The following TRPM3 variants were observed in gnomAD, a reference collection of about 807,000 sequenced individuals.
TRPM3 encodes long transient receptor potential channel 3.
In TRPM3, 77 loss-of-function variants were observed where a neutral mutation model predicts 181.2. The ratio of observed to expected loss-of-function variants is 0.42; its 90% CI spans 0.35 to 0.51. The LOEUF (loss-of-function observed/expected upper bound fraction) is 0.51, where lower values mean the gene tolerates loss of function less well. TRPM3 is among the 20% of genes least tolerant of loss of function. TRPM3 has a pLI of 0.01. For synonymous variants in TRPM3, 745 were observed against 796.4 expected (o/e 0.94, Z 1.09); for missense variants, 1,759 against 2,196.7 (o/e 0.80, Z 3.98).
intron 1 of TRPM3, among the ~76,000 whole-genome samples, chr9:71,169,282 C>T (rs1018567497): frequency 2.6e-5 from 4 of 152,070 alleles, no homozygotes; most frequent in African/African-American, 7.2e-5. Flanking sequence ...CAAATGTGAC[C>T]CTCAGGCCTC....
At chr9:70,984,948 TG>T in intron 1 of TRPM3, among the ~76,000 whole-genome samples, 1 of 152,384 alleles carries the variant, frequency 6.6e-6, no homozygotes, top group East Asian at 1.9e-4. Flanking sequence ...CCTGAATCTT[TG>T]TCCTAGGTTC....
intron 6 of TRPM3, among the ~76,000 whole-genome samples, chr9:70,818,142 T>C (rs181322634): frequency 6.6e-6 from 1 of 152,296 alleles, no homozygotes; most frequent in African/African-American, 2.4e-5. Flanking sequence ...CTTCATCATT[T>C]AACAAGAGAA....
chr9:70,848,804 C>T lies in TRPM3; in HGVS notation c.463-2213G>A, dbSNP rs540518482. 7.2e-3 allele frequency among the ~76,000 whole-genome samples: 635 copies of T among 87,636 alleles called. 39 individuals carry two copies. The highest frequency in any genetic ancestry group is 0.022 in the South Asian group (51 of 2,344). 57.5% of individuals were successfully genotyped at this position (87,636 alleles called of 152,430 possible). ...CATCCTGGCTAACACGGTGAAACCC[C>T]GTCTCTACTAAAAATACAAAAAATT... On this transcript the variant is annotated intron_variant, in intron 3 of 25. Transcript: ENST00000677713.
intron 12 of TRPM3, among the ~76,000 whole-genome samples, chr9:70,634,879 C>G (rs1006703252): frequency 3.3e-5 from 5 of 152,084 alleles, no homozygotes; most frequent in Non-Finnish European, 2.9e-5. Context: ...TCAGGCAGCT[C>G]CCCAAACAGT....
chr9:70,998,121 TTATATATATACATATATATACACA>T (rs2097559001), intron 1 of TRPM3, among the ~76,000 whole-genome samples: 1 of 131,550 alleles, frequency 7.6e-6, no homozygotes. Context: ...CTCTAATTGT[TTATATATATACATATATATACACA>T]TATATATATA....
intron 8 of TRPM3, among the ~76,000 whole-genome samples, chr9:70,684,014 C>A (rs1057424737): frequency 1.3e-5 from 2 of 152,168 alleles, no homozygotes; most frequent in Non-Finnish European, 2.9e-5. Context: ...CATCAGAGTT[C>A]ATTGTTTAGA....
intron 1 of TRPM3, among the ~76,000 whole-genome samples, chr9:70,903,254 C>T (rs1047033333): frequency 3.3e-5 from 5 of 152,166 alleles, no homozygotes; most frequent in African/African-American, 1.2e-4. Flanking sequence ...CGAAGTTGGC[C>T]CATCAGCAGG....
intron 1 of TRPM3, among the ~76,000 whole-genome samples, chr9:71,347,252 G>A (rs2091351364): frequency 6.6e-6 from 1 of 152,182 alleles, no homozygotes; most frequent in African/African-American, 2.4e-5. Context: ...GTTGATACAT[G>A]ATAGACATTC....
chr9:71,288,956 C>G (rs906590372), intron 1 of TRPM3, among the ~76,000 whole-genome samples: 3 of 152,100 alleles, frequency 2.0e-5, no homozygotes, highest in African/African-American at 7.2e-5. Context: ...CCAAGACTTT[C>G]TAACTGCAAG....
At position 71,219,751 on chromosome 9, in the gene TRPM3, C is replaced by A. The variant is rs142731173; in HGVS notation, c.183+226902G>T. 2.6e-5 allele frequency among the ~76,000 whole-genome samples: 4 copies of A among 152,242 alleles called. No homozygotes were observed. The South Asian group carries it at 8.3e-4, about 32-fold the overall frequency. On this transcript the variant is annotated intron_variant, in intron 1 of 24. Transcript: ENST00000357533. ...CAGGGCCAATCAGGGTGAACCTGGG[C>A]AAATCAGATTGCCCAACAGGGATTA... is the stretch of plus-strand genomic sequence containing the variant.
intron 8 of TRPM3, among the ~76,000 whole-genome samples, chr9:70,748,382 T>G (rs2075553082): frequency 6.6e-6 from 1 of 152,136 alleles, no homozygotes; most frequent in Non-Finnish European, 1.5e-5. Context: ...TCATGTTGTA[T>G]GTCTATTATG....
At chr9:71,167,521 T>C (rs1332339194) in intron 1 of TRPM3, among the ~76,000 whole-genome samples, 1 of 152,156 alleles carries the variant, frequency 6.6e-6, no homozygotes, top group East Asian at 1.9e-4. Flanking sequence ...CATTTCATTT[T>C]CCATTATTTA....
At chr9:71,436,133 T>G (rs2094030891) in intron 1 of TRPM3, among the ~76,000 whole-genome samples, 1 of 152,116 alleles carries the variant, frequency 6.6e-6, no homozygotes, top group African/African-American at 2.4e-5. Flanking sequence ...GATGGGTTTA[T>G]CAGGGGTTTC....
At chr9:70,938,587 A>G (rs1418690407) in intron 1 of TRPM3, among the ~76,000 whole-genome samples, 2 of 152,088 alleles carry the variant, frequency 1.3e-5, no homozygotes, top group African/African-American at 2.4e-5. Flanking sequence ...GGCGTGAAAC[A>G]TTACCAATTA....
At chr9:70,673,995 A>G (rs1455388273) in intron 9 of TRPM3, among the ~76,000 whole-genome samples, 2 of 151,840 alleles carry the variant, frequency 1.3e-5, no homozygotes, top group Non-Finnish European at 2.9e-5. Context: ...GTATCTCATA[A>G]AAATGTCAAC....
intron 1 of TRPM3, among the ~76,000 whole-genome samples, chr9:71,045,998 T>TG (rs1452546904): frequency 6.6e-6 from 1 of 151,904 alleles, no homozygotes; most frequent in Non-Finnish European, 1.5e-5. Flanking sequence ...ACTTTTTTTT[T>TG]TTTTGAGATG....
chr9:71,125,103 G>A (rs568059887), upstream of TRPM3, among the ~76,000 whole-genome samples: 5 of 152,216 alleles, frequency 3.3e-5, no homozygotes, highest in East Asian at 5.8e-4. Flanking sequence ...AGACACTTTC[G>A]TTTGCTTCAG....
At chr9:71,224,900 A>T (rs1475755580) in intron 1 of TRPM3, among the ~76,000 whole-genome samples, 1 of 152,188 alleles carries the variant, frequency 6.6e-6, no homozygotes, top group Admixed American at 6.5e-5. Flanking sequence ...AAAGACAGGT[A>T]TCTGAAAATA....
chr9:71,408,687 A>G (rs2093484099), intron 1 of TRPM3, among the ~76,000 whole-genome samples: 2 of 152,338 alleles, frequency 1.3e-5, no homozygotes, highest in Non-Finnish European at 2.9e-5. Context: ...TCTGCAGGAT[A>G]TCATCCAGGA....
Sources: gnomAD v4.1 joint callset for allele counts (sites outside exome capture counted in the v4.1 genomes callset) on GRCh38, gnomAD v4.1.1 for gene constraint, MANE v1.5 for transcripts, NCBI Gene and HGNC (gene_info 2026-07-23, HGNC 2026-07-21) for gene names.